The following MARCHF3 variants were observed in gnomAD, a reference collection of about 807,000 sequenced individuals.
The protein encoded by MARCHF3 is E3 ubiquitin-protein ligase MARCHF3.
MARCHF3 carries 13 observed loss-of-function variants against 24.2 expected under a neutral mutation model. That is an observed-to-expected ratio of 0.54 (90% confidence interval 0.35 to 0.85). The LOEUF (loss-of-function observed/expected upper bound fraction) is 0.85, where lower values mean the gene tolerates loss of function less well. MARCHF3 is among the 40% of genes least tolerant of loss of function. The probability of loss-of-function intolerance (pLI) is 0.01; values close to 1 mark genes in which losing one functional copy is unlikely to be tolerated. For missense variants in MARCHF3, 276 were observed against 325.0 expected, an observed-to-expected ratio of 0.85 and a Z score of 1.16; for synonymous variants, 144 against 137.3, an observed-to-expected ratio of 1.05 and a Z score of -0.34.
intron 1 of MARCHF3, among the ~76,000 whole-genome samples, chr5:126,975,353 CTTT>C (rs1580698576): frequency 6.6e-6 from 1 of 152,218 alleles, no homozygotes; most frequent in East Asian, 1.9e-4. Flanking sequence ...GTTTTCTTCT[CTTT>C]TTAATTGACA....
chr5:126,941,746 G>A lies in MARCHF3; in HGVS notation c.-56-23519C>T, dbSNP rs183495080. On this transcript the variant is annotated intron_variant, in intron 1 of 4. Transcript: ENST00000308660. ...AAGCATCTGGAGGCCTTCTGCTGGT[G>A]GAGCTGCCAGCAGGTACCCTGACCC... Among the ~76,000 whole-genome samples, 125 of 152,338 alleles carry A rather than the reference G, an allele frequency of 8.2e-4. 6 individuals are homozygous for A. The highest frequency in any genetic ancestry group is 8.5e-4 in the Admixed American group (13 of 15,306).
intron 1 of MARCHF3, among the ~76,000 whole-genome samples, chr5:127,013,801 A>G (rs953877787): frequency 6.6e-6 from 1 of 152,142 alleles, no homozygotes; most frequent in African/African-American, 2.4e-5. Flanking sequence ...TCCATTGGGG[A>G]AAAAACAGTT....
intron 1 of MARCHF3, among the ~76,000 whole-genome samples, chr5:126,990,618 G>A (rs1223799563): frequency 1.3e-5 from 2 of 152,116 alleles, no homozygotes; most frequent in Non-Finnish European, 2.9e-5. Context: ...GCAACCTAGA[G>A]AATGGGAGAA....
rs1053254615 is a variant in MARCHF3, at chr5:126,916,367, C to T, written c.189-1233G>A. Among the ~76,000 whole-genome samples, 16 of 152,286 alleles carry T rather than the reference C, an allele frequency of 1.1e-4. 3 individuals carry two copies. Among genetic ancestry groups the T allele is most frequent in the Admixed American group, 9.8e-4 (15 of 15,306 alleles). On this transcript the variant is annotated intron_variant, in intron 2 of 4. Transcript: ENST00000308660. ...CTCCCAAAGATGACAGTGACCCAGG[C>T]ACATGCCCATTCATCCTCCTGAACA...
chr5:126,962,711 C>G (rs1311086844), intron 1 of MARCHF3, among the ~76,000 whole-genome samples: 1 of 151,700 alleles, frequency 6.6e-6, no homozygotes, highest in Non-Finnish European at 1.5e-5. Context: ...GGTCTCATCC[C>G]CAAGATATCT....
chr5:127,024,135 G>T (rs1416070240), intron 1 of MARCHF3, among the ~76,000 whole-genome samples: 1 of 152,196 alleles, frequency 6.6e-6, no homozygotes, highest in Admixed American at 6.5e-5. Flanking sequence ...GTAGTGAGAG[G>T]AGGAGGCAAG....
chr5:126,931,570 T>TACACACACAC lies in MARCHF3; in HGVS notation c.-56-13353_-56-13344dup, dbSNP rs57567399. On this transcript the variant is annotated intron_variant, in intron 1 of 4. Transcript: ENST00000308660. ...GCATATCCTCTAATACATACATGAA[T>TACACACACAC]ACACACACACACACACACACACACA... 1.3e-4 allele frequency among the ~76,000 whole-genome samples: 19 copies of TACACACACAC among 142,886 alleles called. No individual in the cohort carries two copies. The South Asian group carries it at 1.4e-3, about 11-fold the overall frequency. 93.7% of individuals were successfully genotyped at this position (142,886 alleles called of 152,430 possible).
chr5:126,975,927 G>A (rs767011762), intron 1 of MARCHF3, among the ~76,000 whole-genome samples: 9 of 152,162 alleles, frequency 5.9e-5, no homozygotes, highest in Non-Finnish European at 1.0e-4. Flanking sequence ...CATATTCCCA[G>A]TAGGCCTGTG....
intron 1 of MARCHF3, among the ~76,000 whole-genome samples, chr5:126,976,556 C>A (rs1233678537): frequency 1.3e-5 from 2 of 152,238 alleles, no homozygotes; most frequent in Non-Finnish European, 2.9e-5. Flanking sequence ...TCCTTTCTAT[C>A]TATCTAGACC....
At chr5:126,986,206 A>C (rs1235392614) in intron 1 of MARCHF3, among the ~76,000 whole-genome samples, 2 of 152,186 alleles carry the variant, frequency 1.3e-5, no homozygotes, top group African/African-American at 4.8e-5. Context: ...CAAATTATTA[A>C]ACATTTCAGA....
intron 3 of MARCHF3, among the ~76,000 whole-genome samples, chr5:126,908,145 G>A (rs915549741): frequency 4.0e-4 from 61 of 152,010 alleles, no homozygotes; most frequent in Non-Finnish European, 7.4e-4. Context: ...GTTGAATATT[G>A]GCCCCCACCC....
At chr5:126,969,713 G>C (rs141878826) in intron 1 of MARCHF3, among the ~76,000 whole-genome samples, 2 of 152,172 alleles carry the variant, frequency 1.3e-5, no homozygotes. Context: ...AAACTTGAGC[G>C]AGCATTAGAA....
intron 1 of MARCHF3, among the ~76,000 whole-genome samples, chr5:126,956,094 A>G (rs941526725): frequency 6.6e-6 from 1 of 152,096 alleles, no homozygotes; most frequent in African/African-American, 2.4e-5. Flanking sequence ...TCCCACATAC[A>G]TTTTGGAGAT....
rs560318506 is a variant in MARCHF3, at chr5:126,897,168, T to G, written c.393+17762A>C. ...GATTCTCCTGTCTCAGCCTCCCGAG[T>G]AGCTGGGATTACAGGCATGTGCCAC... On this transcript the variant is annotated intron_variant, in intron 3 of 4. Coordinates refer to ENST00000308660, the MANE Select transcript of MARCHF3 (RefSeq NM_178450.5). Among the ~76,000 whole-genome samples the G allele has an allele frequency of 2.6e-5, 4 of 151,590 alleles. No individual in the cohort carries two copies. In the South Asian group the frequency reaches 8.3e-4, roughly 32 times the overall value.
intron 1 of MARCHF3, among the ~76,000 whole-genome samples, chr5:126,979,222 C>T (rs1450155920): frequency 2.0e-5 from 3 of 152,180 alleles, no homozygotes; most frequent in Non-Finnish European, 4.4e-5. Flanking sequence ...ACTTCCTCAA[C>T]CAGACTGCGG....
chr5:126,948,125 C>T lies in MARCHF3; in HGVS notation c.-56-29898G>A, dbSNP rs535735552. Reference sequence around the variant, plus strand: ...TCCCAGACATTACTGGGAGCCTCTACCATGACAACCCTGGGTGGGCCAGTG... The same window carrying T: ...TCCCAGACATTACTGGGAGCCTCTATCATGACAACCCTGGGTGGGCCAGTG... On this transcript the variant is annotated intron_variant, in intron 1 of 4. Coordinates refer to ENST00000308660, the MANE Select transcript of MARCHF3 (RefSeq NM_178450.5). 2.0e-5 allele frequency among the ~76,000 whole-genome samples: 3 copies of T among 152,276 alleles called. No homozygotes were observed. The South Asian group carries it at 6.2e-4, about 32-fold the overall frequency.
rs1187409592 is a variant in MARCHF3 at position 126,869,697 on chromosome 5, T to C, written c.*936A>G. The stretch of plus-strand genomic sequence containing the variant: ...GTCTAGGGTTCCTAGAAATGTCTAA[T>C]GATCCTCCAATTCATTACGAATCCC... On this transcript the variant is annotated 3_prime_UTR_variant, in exon 5 of 5. Transcript: ENST00000308660. 6.7e-6 allele frequency: 1 copy of C among 149,572 alleles called. No homozygotes were observed. Among genetic ancestry groups the C allele is most frequent in the Non-Finnish European group, 1.5e-5 (1 of 67,360 alleles). 9.3% of individuals were successfully genotyped at this position (149,572 alleles called of 1,614,324 possible).
At chr5:126,897,252 T>C (rs767011039) in intron 3 of MARCHF3, among the ~76,000 whole-genome samples, 27 of 151,768 alleles carry the variant, frequency 1.8e-4, no homozygotes, top group Non-Finnish European at 3.4e-4. Flanking sequence ...TTGGTCAGGC[T>C]GGTCTTGAAC....
At chr5:126,874,830 G>T (rs139970113) in intron 4 of MARCHF3, among the ~76,000 whole-genome samples, 1 of 152,024 alleles carries the variant, frequency 6.6e-6, no homozygotes, top group African/African-American at 2.4e-5. Context: ...CTTGTAGGCC[G>T]TGTGGGGGAT....
Sources: allele counts gnomAD v4.1 joint callset (sites outside exome capture counted in the v4.1 genomes callset), GRCh38; gene constraint gnomAD v4.1.1; transcripts MANE v1.5; gene names NCBI Gene and HGNC (gene_info 2026-07-23, HGNC 2026-07-21).